NBPF12: variants seen among roughly 807,000 people sequenced by gnomAD.
The protein encoded by NBPF12 is NBPF family member NBPF12.
NBPF12 carries 115 observed loss-of-function variants against 146.4 expected under a neutral mutation model. The ratio of observed to expected loss-of-function variants is 0.79; its 90% CI spans 0.68 to 0.92. The LOEUF is 0.92. Ranked by LOEUF, NBPF12 falls within the 40% of genes least tolerant of loss-of-function variation. The probability of loss-of-function intolerance (pLI) is 0.00; values close to 1 mark genes in which losing one functional copy is unlikely to be tolerated. For synonymous variants in NBPF12, 385 were observed against 508.9 expected (o/e 0.76, Z 3.28); for missense variants, 1,205 against 1,326.8 (o/e 0.91, Z 1.43).
chr1:146,947,746 A>G (rs1655135307), upstream of NBPF12, among the ~76,000 whole-genome samples: 1 of 146,584 alleles, frequency 6.8e-6, no homozygotes, highest in Non-Finnish European at 1.5e-5. Context: ...TGTGTTTGGG[A>G]CTTTATGTAG....
intron 21 of NBPF12, among the ~76,000 whole-genome samples, chr1:146,984,405 C>A (rs1354818072): frequency 6.5e-3 from 885 of 135,576 alleles, no homozygotes; most frequent in Middle Eastern, 0.011. Flanking sequence ...GACCATACCT[C>A]AAAAGCTGTA....
At chr1:146,955,993 T>G (rs1655569602) in intron 2 of NBPF12, among the ~76,000 whole-genome samples, 1 of 151,782 alleles carries the variant, frequency 6.6e-6, no homozygotes, top group East Asian at 1.9e-4. Context: ...TCTTTTTTTT[T>G]TTCCTCTTAA....
intron 9 of NBPF12, among the ~76,000 whole-genome samples, chr1:146,967,899 C>T (rs1163936029): frequency 6.9e-6 from 1 of 144,210 alleles, no homozygotes; most frequent in African/African-American, 2.7e-5. Context: ...CATAGGATTT[C>T]CTTCATGGCC....
chr1:146,945,010 TCC>T (rs1654975229), upstream of NBPF12, among the ~76,000 whole-genome samples: 1 of 18,200 alleles, frequency 5.5e-5, no homozygotes, highest in Non-Finnish European at 1.0e-4. Context: ...CTCCCTTCCT[TCC>T]TCCCTCCCTC....
intron 21 of NBPF12, among the ~76,000 whole-genome samples, 172 bp from the exon 25 acceptor site, chr1:146,984,641 T>C (rs1330474171): frequency 6.9e-6 from 1 of 144,558 alleles, no homozygotes; most frequent in Non-Finnish European, 1.5e-5. Context: ...CTTTCATCCT[T>C]TTCTACCTGG....
At chr1:146,978,222 T>G (rs1302175762) in intron 18 of NBPF12, among the ~76,000 whole-genome samples, 2 of 148,812 alleles carry the variant, frequency 1.3e-5, no homozygotes, top group African/African-American at 5.0e-5. Context: ...ACCCTGTCAA[T>G]GCAATGGCTG....
intron 19 of NBPF12, among the ~76,000 whole-genome samples, chr1:146,981,241 G>A (rs1274667440): frequency 2.3e-5 from 3 of 130,236 alleles, no homozygotes; most frequent in African/African-American, 8.8e-5. Context: ...TAACTAAGCT[G>A]CACGTTGTGC....
chr1:146,969,205 G>C (rs1409010529), intron 10 of NBPF12, among the ~76,000 whole-genome samples, 177 bp from the exon 14 acceptor site: 2 of 151,222 alleles, frequency 1.3e-5, no homozygotes, highest in African/African-American at 4.9e-5. Flanking sequence ...TGATACAGAG[G>C]AAGCCTGTAA....
exon 22 of NBPF12, chr1:146,984,921 G>C: frequency 1.9e-6 from 3 of 1,590,004 alleles, no homozygotes; most frequent in Middle Eastern, 2.2e-4. Context: ...ACTCATGCCA[G>C]CCCTACAGAA....
intron 10 of NBPF12, 87 bp from the exon 14 acceptor site, chr1:146,969,295 A>G: frequency 4.3e-6 from 3 of 695,328 alleles, no homozygotes; most frequent in Non-Finnish European, 7.6e-6. Context: ...CTCCTTGAGG[A>G]CATTGTCTCA....
At chr1:146,994,457 T>C in exon 34 of NBPF12, 2 of 1,611,604 alleles carry the variant, frequency 1.2e-6, no homozygotes, top group South Asian at 1.1e-5. Flanking sequence ...AGAAGTGTGT[T>C]TTACTCATTT....
chr1:146,971,102 G>T (rs1282883413), intron 12 of NBPF12, 81 bp from the exon 16 acceptor site: 5 of 1,603,126 alleles, frequency 3.1e-6, no homozygotes, highest in Non-Finnish European at 4.3e-6. Context: ...AATGCCGCTT[G>T]TCAAAACCAG....
At chr1:146,939,275 C>G (rs1487983266) in intron 1 of NBPF12, among the ~76,000 whole-genome samples, 1 of 152,148 alleles carries the variant, frequency 6.6e-6, no homozygotes, top group African/African-American at 2.4e-5. Context: ...TTCGGGGGCA[C>G]GTCTTCGGAA....
chr1:146,984,570 G>T (rs1657611347), intron 21 of NBPF12, among the ~76,000 whole-genome samples: 1 of 144,688 alleles, frequency 6.9e-6, no homozygotes, highest in East Asian at 2.1e-4. Context: ...AATTGACTGA[G>T]CTCACACTGT....
At chr1:146,965,569 T>C (rs1285218492) in intron 8 of NBPF12, among the ~76,000 whole-genome samples, 4 of 144,574 alleles carry the variant, frequency 2.8e-5, no homozygotes, top group Non-Finnish European at 6.0e-5. Flanking sequence ...GATCACGAGG[T>C]CAGGAGATTG....
chr1:146,987,755 G>GTGTGTGTGTGTGTGTGTGTGTGTGTC (rs1657879866), intron 25 of NBPF12, among the ~76,000 whole-genome samples, 199 bp from the exon 29 acceptor site: 12 of 151,698 alleles, frequency 7.9e-5, no homozygotes, highest in African/African-American at 2.9e-4. Flanking sequence ...GTGTGTGTGT[G>GTGTGTGTGTGTGTGTGTGTGTGTGTC]TGTGTCTGTC....
chr1:146,965,022 G>A, exon 8 of NBPF12: 1 of 1,608,502 alleles, frequency 6.2e-7, no homozygotes, highest in Non-Finnish European at 8.5e-7. Context: ...TCACATTTGA[G>A]GAAGACAAAG....
Position 146,994,629 on chromosome 1 carries a change from C to G in NBPF12, c.*54C>G, listed in dbSNP as rs1323996554. The G allele has an allele frequency of 5.0e-6, 8 of 1,587,244 alleles. 1 individual carries two copies. The highest frequency in any genetic ancestry group is 1.8e-5 in the Admixed American group (1 of 57,000). On this transcript the variant is annotated 3_prime_UTR_variant, in exon 34 of 34. Coordinates refer to ENST00000617844, the Ensembl canonical transcript of NBPF12. Reference sequence around the variant, plus strand: ...TTCCTGCAGGCAGGACCTATAGGCACCTGAAGATTTGAATGAAACTATAGT... The same window carrying G: ...TTCCTGCAGGCAGGACCTATAGGCAGCTGAAGATTTGAATGAAACTATAGT...
At chr1:146,972,799 C>T (rs1430454797) in exon 14 of NBPF12, 4 of 1,324,670 alleles carry the variant, frequency 3.0e-6, no homozygotes, top group Non-Finnish European at 4.4e-6. Flanking sequence ...GTGGTATCAG[C>T]CGGCCCTTTG....
Sources: gnomAD v4.1 joint callset for allele counts (sites outside exome capture counted in the v4.1 genomes callset) on GRCh38, gnomAD v4.1.1 for gene constraint, MANE v1.5 for transcripts, NCBI Gene and HGNC (gene_info 2026-07-23, HGNC 2026-07-21) for gene names.